Variants in ACTR3C observed in about 807,000 individuals in gnomAD.
The protein encoded by ACTR3C is actin related protein 3C, also known as actin-related protein 3C.
A neutral mutation model predicts 26.3 loss-of-function variants in ACTR3C; 18 were observed. The ratio of observed to expected loss-of-function variants is 0.68; its 90% CI spans 0.47 to 1.01. The LOEUF is 1.01. Ranked by LOEUF, ACTR3C falls within the 50% of genes least tolerant of loss-of-function variation. The pLI is 0.00. For missense variants in ACTR3C, 184 were observed against 250.7 expected (o/e 0.73, Z 1.80); for synonymous variants, 55 against 94.5 (o/e 0.58, Z 2.42).
At chr7:150,009,013 G>A in the ACTR3C span, among the ~76,000 whole-genome samples, 6,087 of 116,806 alleles carry the variant, frequency 0.052, no homozygotes, top group African/African-American at 0.11. Context: ...AGGCATCGTG[G>A]CTGGTGTTGC....
intron 6 of ACTR3C, among the ~76,000 whole-genome samples, chr7:150,282,445 C>A (rs533268746): frequency 1.3e-5 from 2 of 150,614 alleles, no homozygotes; most frequent in African/African-American, 4.9e-5. Context: ...TTTCCCACAA[C>A]GGGGTATAGA....
At chr7:150,232,347 C>A in the ACTR3C span, among the ~76,000 whole-genome samples, 43 of 151,962 alleles carry the variant, frequency 2.8e-4, no homozygotes, top group African/African-American at 9.2e-4. Context: ...TTCTTTACAC[C>A]GTTTAGATTT....
At chr7:150,288,523 T>C (rs1365311771) in intron 4 of ACTR3C, among the ~76,000 whole-genome samples, 2 of 142,500 alleles carry the variant, frequency 1.4e-5, no homozygotes, top group East Asian at 4.1e-4. Flanking sequence ...CCTAGGATTA[T>C]AGATGTGAGC....
At chr7:150,138,833 C>G in the ACTR3C span, among the ~76,000 whole-genome samples, 2 of 152,310 alleles carry the variant, frequency 1.3e-5, no homozygotes, top group South Asian at 4.1e-4. Context: ...CTCTGCCTCC[C>G]GTCAGGTCAG....
chr7:150,072,045 C>T, the ACTR3C span, among the ~76,000 whole-genome samples: 3 of 145,594 alleles, frequency 2.1e-5, no homozygotes, highest in African/African-American at 5.0e-5. Context: ...GGGCTTGCCA[C>T]AGGGATCCTT....
the ACTR3C span, among the ~76,000 whole-genome samples, chr7:149,945,318 A>AGGCTGCAGGGTCTTGGGG: frequency 1.7e-5 from 2 of 118,868 alleles, no homozygotes; most frequent in South Asian, 3.0e-4. Context: ...TCCATCAGTG[A>AGGCTGCAGGGTCTTGGGG]CAACCTCCCA....
the ACTR3C span, among the ~76,000 whole-genome samples, chr7:149,896,034 CAAAAAA>C: frequency 2.5e-4 from 21 of 83,064 alleles, no homozygotes; most frequent in East Asian, 7.5e-4. Flanking sequence ...CCTGTCTCTA[CAAAAAA>C]AAAAAAAAAA....
At chr7:149,982,026 G>A in the ACTR3C span, among the ~76,000 whole-genome samples, 1 of 152,226 alleles carries the variant, frequency 6.6e-6, no homozygotes, top group Admixed American at 6.5e-5. Flanking sequence ...ATGCTCAGAT[G>A]TTGCCGAAGT....
the ACTR3C span, among the ~76,000 whole-genome samples, chr7:150,238,396 T>C: frequency 1.1e-4 from 14 of 127,472 alleles, no homozygotes; most frequent in East Asian, 3.1e-3. Flanking sequence ...GCAGGATTTT[T>C]ACACCAGTAG....
the ACTR3C span, among the ~76,000 whole-genome samples, chr7:150,164,899 TAGGCAC>T: frequency 2.0e-5 from 3 of 152,262 alleles, no homozygotes; most frequent in East Asian, 5.8e-4. Context: ...TCCCCACCAG[TAGGCAC>T]AGGTGAGCGC....
chr7:150,162,188 T>C, the ACTR3C span, among the ~76,000 whole-genome samples: 2 of 152,234 alleles, frequency 1.3e-5, no homozygotes, highest in Non-Finnish European at 2.9e-5. Context: ...AACTTGTTTC[T>C]GCATTCCTGA....
the ACTR3C span, among the ~76,000 whole-genome samples, chr7:149,989,091 C>A: frequency 6.6e-6 from 1 of 152,118 alleles, no homozygotes; most frequent in Non-Finnish European, 1.5e-5. Flanking sequence ...CACTTCTGGG[C>A]CCCAGGCAAG....
At chr7:150,267,566 G>A (rs1167743345) in intron 6 of ACTR3C, among the ~76,000 whole-genome samples, 6 of 152,206 alleles carry the variant, frequency 3.9e-5, no homozygotes, top group South Asian at 2.1e-4. Flanking sequence ...CCCACAGCAC[G>A]AGAGTGGTGA....
chr7:150,226,903 A>AT, the ACTR3C span, among the ~76,000 whole-genome samples: 1 of 152,140 alleles, frequency 6.6e-6, no homozygotes. Context: ...AGAGTTGTTT[A>AT]TTAAATATAT....
chr7:149,906,679 A>G, the ACTR3C span, among the ~76,000 whole-genome samples: 380 of 137,502 alleles, frequency 2.8e-3, 2 homozygotes, highest in African/African-American at 0.01. Context: ...TGATTCGCCC[A>G]CCTTGGCCTC....
the ACTR3C span, among the ~76,000 whole-genome samples, chr7:150,065,089 A>G: frequency 6.6e-6 from 1 of 151,878 alleles, no homozygotes; most frequent in African/African-American, 2.4e-5. Flanking sequence ...TGGGCTATCA[A>G]TAAAGAGAGA....
the ACTR3C span, among the ~76,000 whole-genome samples, chr7:150,137,620 C>T: frequency 6.6e-6 from 1 of 152,142 alleles, no homozygotes; most frequent in African/African-American, 2.4e-5. Flanking sequence ...GTTGTCTTCG[C>T]TCAGGGGTCT....
the ACTR3C span, among the ~76,000 whole-genome samples, chr7:150,202,453 T>C: frequency 6.6e-6 from 1 of 152,328 alleles, no homozygotes; most frequent in South Asian, 2.1e-4. Context: ...TGTGTGAATA[T>C]TATTGAATTT....
At chr7:150,316,763 C>G (rs183916231) in intron 1 of ACTR3C, among the ~76,000 whole-genome samples, 1 of 152,142 alleles carries the variant, frequency 6.6e-6, no homozygotes, top group Non-Finnish European at 1.5e-5. Context: ...GGATTACAGG[C>G]ATGAGCCACC....
Sources: gnomAD v4.1 joint callset for allele counts (sites outside exome capture counted in the v4.1 genomes callset) on GRCh38, gnomAD v4.1.1 for gene constraint, MANE v1.5 for transcripts, NCBI Gene and HGNC (gene_info 2026-07-23, HGNC 2026-07-21) for gene names.